Variants in TSNARE1 observed in about 807,000 individuals in gnomAD.
TSNARE1 encodes the protein t-SNARE domain-containing protein 1.
TSNARE1 carries 49 observed loss-of-function variants against 62.0 expected under a neutral mutation model. The observed-to-expected ratio is 0.79, with a 90% CI of 0.63 to 1.00. The LOEUF (loss-of-function observed/expected upper bound fraction) is 1.00, where lower values mean the gene tolerates loss of function less well. TSNARE1 is among the 50% of genes least tolerant of loss of function. The probability of loss-of-function intolerance (pLI) is 0.00; values close to 1 mark genes in which losing one functional copy is unlikely to be tolerated. For synonymous variants in TSNARE1, 328 were observed against 294.4 expected (o/e 1.11, Z -1.17); for missense variants, 755 against 700.1 (o/e 1.08, Z -0.88).
intron 13 of TSNARE1, among the ~76,000 whole-genome samples, chr8:142,227,065 C>T (rs1389615416): frequency 1.4e-5 from 2 of 148,104 alleles, no homozygotes; most frequent in South Asian, 4.3e-4. Flanking sequence ...CCCCCCACTG[C>T]ACCCACACAG....
chr8:142,280,354 G>A (rs1274949863), intron 11 of TSNARE1: 1 of 982,324 alleles, frequency 1.0e-6, no homozygotes, highest in South Asian at 4.7e-5. Context: ...TGAGCAGGGG[G>A]CAGAGACCCT....
intron 11 of TSNARE1, chr8:142,279,998 G>C: frequency 1.7e-6 from 2 of 1,179,760 alleles, no homozygotes; most frequent in Non-Finnish European, 2.1e-6. Context: ...ACAGCACCTC[G>C]CAGGTCCCGC....
At chr8:142,317,357 C>T (rs568681862) in intron 7 of TSNARE1, among the ~76,000 whole-genome samples, 65 of 143,054 alleles carry the variant, frequency 4.5e-4, no homozygotes, top group Non-Finnish European at 8.4e-4. Flanking sequence ...TCACACTGTA[C>T]GCGTGAAGCG....
chr8:142,243,081 A>C (rs1479850049), intron 12 of TSNARE1, among the ~76,000 whole-genome samples: 1 of 152,144 alleles, frequency 6.6e-6, no homozygotes, highest in Non-Finnish European at 1.5e-5. Flanking sequence ...TTCTGTACAC[A>C]TGCACATATA....
intron 11 of TSNARE1, chr8:142,277,012 G>A (rs1772736641): frequency 1.4e-5 from 14 of 985,352 alleles, no homozygotes; most frequent in African/African-American, 1.7e-5. Context: ...GTGCGGCCGC[G>A]TGTTGCTCGT....
chr8:142,252,189 G>A (rs945501438), intron 12 of TSNARE1, among the ~76,000 whole-genome samples: 10 of 152,400 alleles, frequency 6.6e-5, no homozygotes, highest in African/African-American at 2.2e-4. Flanking sequence ...TATCTGGGCG[G>A]TTTGTTTGGT....
rs1047653083 is a variant in TSNARE1 at position 142,287,206 on chromosome 8, C to G, written c.1291-2721G>C. Among the ~76,000 whole-genome samples the G allele has an allele frequency of 1.6e-4, 23 of 147,608 alleles. 1 individual carries two copies. Among genetic ancestry groups the G allele is most frequent in the African/African-American group, 5.3e-4 (21 of 39,764 alleles). ...GGAACCCAGGACCCCGGCCAGATCT[C>G]AGGGACAGTGGGCCGCCCTCCAGGT... is the stretch of plus-strand genomic sequence containing the variant. On this transcript the variant is annotated intron_variant, in intron 10 of 13. Transcript: ENST00000524325.
chr8:142,294,516 C>T (rs573611859), intron 10 of TSNARE1, among the ~76,000 whole-genome samples: 1 of 152,310 alleles, frequency 6.6e-6, no homozygotes, highest in Admixed American at 6.5e-5. Flanking sequence ...CTCCTGGCGG[C>T]AGCTGGCGGC....
intron 1 of TSNARE1, among the ~76,000 whole-genome samples, chr8:142,387,691 C>T (rs1332605335): frequency 6.6e-6 from 1 of 151,968 alleles, no homozygotes; most frequent in Non-Finnish European, 1.5e-5. Flanking sequence ...CAAAACTGAT[C>T]CCAGAAAGTT....
intron 1 of TSNARE1, among the ~76,000 whole-genome samples, chr8:142,371,981 G>T (rs575364303): frequency 3.3e-5 from 5 of 152,164 alleles, no homozygotes; most frequent in African/African-American, 9.7e-5. Context: ...CATATTTACA[G>T]TCTGGCCCTT....
At chr8:142,256,368 CAT>C (rs1563782816) in intron 12 of TSNARE1, among the ~76,000 whole-genome samples, 145 of 142,660 alleles carry the variant, frequency 1.0e-3, no homozygotes, top group Admixed American at 1.3e-3. Context: ...TCACCACCAT[CAT>C]CACCACCATC....
intron 2 of TSNARE1, among the ~76,000 whole-genome samples, chr8:142,352,845 C>T (rs1027532941): frequency 2.6e-5 from 4 of 152,166 alleles, no homozygotes; most frequent in African/African-American, 9.7e-5. Flanking sequence ...GGAGCAGGGG[C>T]CTGGGGGTCA....
chr8:142,300,431 TC>T, intron 10 of TSNARE1, 54 bp downstream of exon 10: 1 of 1,543,382 alleles, frequency 6.5e-7, no homozygotes, highest in Non-Finnish European at 8.7e-7. Context: ...CTCCTCTGGT[TC>T]CCAGCCTCAT....
intron 12 of TSNARE1, among the ~76,000 whole-genome samples, chr8:142,237,695 C>A (rs966089534): frequency 6.6e-6 from 1 of 152,208 alleles, no homozygotes; most frequent in Admixed American, 6.5e-5. Context: ...CTCGGACGGG[C>A]CATGCTTGGA....
At chr8:142,251,802 G>A (rs546925744) in intron 12 of TSNARE1, among the ~76,000 whole-genome samples, 10 of 148,068 alleles carry the variant, frequency 6.8e-5, no homozygotes, top group East Asian at 4.1e-4. Flanking sequence ...TTCAGGGCCC[G>A]GGCACCATGT....
chr8:142,300,763 G>GGACGATCTTGGTCTGAGGC, intron 9 of TSNARE1, 119 bp from the exon 10 acceptor site: 1 of 1,212,110 alleles, frequency 8.3e-7, no homozygotes, highest in East Asian at 2.5e-5. Flanking sequence ...CTCTCTGAGG[G>GGACGATCTTGGTCTGAGGC]GACGATCTGG....
chr8:142,313,514 CAT>C (rs1197355422), intron 9 of TSNARE1, among the ~76,000 whole-genome samples: 3 of 150,160 alleles, frequency 2.0e-5, no homozygotes, highest in African/African-American at 4.9e-5. Flanking sequence ...CATGTGTCTA[CAT>C]GTCTGTGTTT....
upstream of TSNARE1, chr8:142,403,199 G>C (rs986145713): frequency 5.3e-5 from 8 of 149,842 alleles, no homozygotes; most frequent in South Asian, 2.1e-4. Flanking sequence ...CCCTCCCGCC[G>C]CCGGCGTGCG....
chr8:142,336,225 G>C (rs1226112876), intron 4 of TSNARE1, among the ~76,000 whole-genome samples: 1 of 142,542 alleles, frequency 7.0e-6, no homozygotes, highest in Non-Finnish European at 1.5e-5. Context: ...AGGCTGCAGT[G>C]AGCCTTGATC....
Sources: gnomAD v4.1 joint callset for allele counts (sites outside exome capture counted in the v4.1 genomes callset) on GRCh38, gnomAD v4.1.1 for gene constraint, MANE v1.5 for transcripts, NCBI Gene and HGNC (gene_info 2026-07-23, HGNC 2026-07-21) for gene names.